The following EML4 variants were observed in gnomAD, a reference collection of about 807,000 sequenced individuals.
The protein encoded by EML4 is echinoderm microtubule-associated protein-like 4.
EML4 carries 72 observed loss-of-function variants against 129.0 expected under a neutral mutation model. The ratio of observed to expected loss-of-function variants is 0.56; its 90% CI spans 0.46 to 0.68. The LOEUF is 0.68. EML4 is among the 30% of genes least tolerant of loss of function. The pLI, the probability that EML4 is intolerant of heterozygous loss-of-function variation, is 0.00. For synonymous variants in EML4, 532 were observed against 405.0 expected, an observed-to-expected ratio of 1.31 and a Z score of -3.77; for missense variants, 1,363 against 1,190.6, an observed-to-expected ratio of 1.14 and a Z score of -2.13.
chr2:42,303,735 C>G (rs1184186071), intron 16 of EML4, among the ~76,000 whole-genome samples: 1 of 152,136 alleles, frequency 6.6e-6, no homozygotes, highest in Non-Finnish European at 1.5e-5. Context: ...ACCATCCTGG[C>G]TAACACGGTG....
chr2:42,227,807 C>G (rs1345897727), intron 1 of EML4, among the ~76,000 whole-genome samples: 1 of 152,144 alleles, frequency 6.6e-6, no homozygotes, highest in African/African-American at 2.4e-5. Flanking sequence ...TTTAACATAT[C>G]ACCTTATAAA....
chr2:42,276,738 A>G (rs1203013616), intron 6 of EML4, among the ~76,000 whole-genome samples: 2 of 152,248 alleles, frequency 1.3e-5, no homozygotes, highest in Non-Finnish European at 2.9e-5. Context: ...AAACGAAGCC[A>G]GTCTTGCAGT....
intron 21 of EML4, among the ~76,000 whole-genome samples, chr2:42,328,144 T>C (rs77333137): frequency 0.027 from 4,134 of 152,322 alleles, 70 homozygotes; most frequent in Non-Finnish European, 0.042. Context: ...AATTTTAAAG[T>C]ATTTTGACTT....
intron 8 of EML4, among the ~76,000 whole-genome samples, chr2:42,284,319 G>A (rs1402206428): frequency 3.3e-5 from 5 of 152,182 alleles, no homozygotes; most frequent in South Asian, 2.1e-4. Context: ...TAATAAAGTC[G>A]TGTGATTTGT....
intron 17 of EML4, among the ~76,000 whole-genome samples, chr2:42,311,540 C>CAAAAAAAAAAAAAAAAAAAAA (rs564350526): frequency 7.2e-6 from 1 of 138,024 alleles, no homozygotes; most frequent in Non-Finnish European, 1.6e-5. Flanking sequence ...GACCCTGTCT[C>CAAAAAAAAAAAAAAAAAAAAA]AAAAAAAAAA....
intron 1 of EML4, among the ~76,000 whole-genome samples, chr2:42,195,004 A>G (rs1671820611): frequency 6.6e-6 from 1 of 152,204 alleles, no homozygotes; most frequent in Non-Finnish European, 1.5e-5. Context: ...TTTCCAAATC[A>G]GGTAATCAGT....
At chr2:42,233,503 T>A (rs1168344879) in intron 1 of EML4, among the ~76,000 whole-genome samples, 1 of 151,698 alleles carries the variant, frequency 6.6e-6, no homozygotes, top group Non-Finnish European at 1.5e-5. Context: ...GAGACGGGGT[T>A]TCACCATGTT....
chr2:42,316,786 CAG>C (rs1480253664), intron 18 of EML4, among the ~76,000 whole-genome samples: 4 of 152,128 alleles, frequency 2.6e-5, no homozygotes, highest in African/African-American at 9.7e-5. Flanking sequence ...AAAGGAAGCA[CAG>C]AGAGTAGTAT....
intron 1 of EML4, among the ~76,000 whole-genome samples, chr2:42,234,592 G>A (rs1674542745): frequency 6.6e-6 from 1 of 152,124 alleles, no homozygotes; most frequent in South Asian, 2.1e-4. Flanking sequence ...GTAAATATAT[G>A]TGTCAGTAAT....
At chr2:42,178,510 T>A (rs1329108531) in intron 1 of EML4, among the ~76,000 whole-genome samples, 2 of 152,018 alleles carry the variant, frequency 1.3e-5, no homozygotes, top group Non-Finnish European at 2.9e-5. Flanking sequence ...GCCACTGCAC[T>A]CCAGCCTGGG....
intron 3 of EML4, among the ~76,000 whole-genome samples, chr2:42,259,754 G>A (rs1227189955): frequency 2.4e-5 from 3 of 126,796 alleles, no homozygotes; most frequent in Admixed American, 8.7e-5. Flanking sequence ...TTTTGAGACG[G>A]CGTCTCGCTC....
At chr2:42,303,906 C>T (rs868435098) in intron 16 of EML4, among the ~76,000 whole-genome samples, 5 of 152,200 alleles carry the variant, frequency 3.3e-5, no homozygotes, top group Non-Finnish European at 7.3e-5. Context: ...GCCTGGGCAA[C>T]AGAGCGAGAC....
At chr2:42,253,548 A>T (rs1675923743) in intron 2 of EML4, among the ~76,000 whole-genome samples, 1 of 152,228 alleles carries the variant, frequency 6.6e-6, no homozygotes, top group African/African-American at 2.4e-5. Context: ...AGTGTAGGGT[A>T]AAACTGCAAG....
intron 13 of EML4, among the ~76,000 whole-genome samples, chr2:42,296,812 C>T (rs966832431): frequency 1.4e-4 from 21 of 152,140 alleles, no homozygotes; most frequent in African/African-American, 4.6e-4. Flanking sequence ...CACAGAGTTT[C>T]ATACTGTATT....
intron 6 of EML4, 94 bp downstream of exon 6, chr2:42,264,825 A>G (rs1301209035): frequency 1.4e-6 from 2 of 1,389,830 alleles, no homozygotes; most frequent in African/African-American, 1.5e-5. Context: ...GCACTTTATC[A>G]GTTCATAGTA....
At chr2:42,187,795 C>G (rs1026886520) in intron 1 of EML4, among the ~76,000 whole-genome samples, 3 of 152,084 alleles carry the variant, frequency 2.0e-5, no homozygotes, top group African/African-American at 7.2e-5. Flanking sequence ...CTTTCATAAA[C>G]TAACAGTCTT....
Position 42,284,683 on chromosome 2 carries a change from G to T in EML4, c.991G>T (p.Gly331Cys). 1 of 1,612,472 alleles carries T rather than the reference G, an allele frequency of 6.2e-7. No homozygotes were observed. ...TAGGATTGCAACTGGACAGATAGCT[G>T]GCGTGGATAAAGATGGAAGGGTGAG... Reference protein sequence around the residue: ...KIRIATGQIAGVDKDGRPLQP... With the variant: ...KIRIATGQIACVDKDGRPLQP... Residue 331 changes from glycine to cysteine, a missense_variant, in exon 9 of 23, where the codon GGC becomes TGC. Gly to Cys is a radical substitution (Grantham distance 159). Coordinates refer to ENST00000318522, the MANE Select transcript of EML4 (RefSeq NM_019063.5).
intron 11 of EML4, among the ~76,000 whole-genome samples, chr2:42,291,986 A>T (rs552379182): frequency 2.0e-5 from 3 of 152,174 alleles, no homozygotes; most frequent in Non-Finnish European, 4.4e-5. Flanking sequence ...AGACAAAAAT[A>T]CTAAGGTTGC....
chr2:42,227,645 T>A (rs1674056513), intron 1 of EML4, among the ~76,000 whole-genome samples: 1 of 152,140 alleles, frequency 6.6e-6, no homozygotes, highest in Admixed American at 6.6e-5. Flanking sequence ...ATATAAGGAT[T>A]TTCTGCTGCC....
Sources: allele counts gnomAD v4.1 joint callset (sites outside exome capture counted in the v4.1 genomes callset), GRCh38; gene constraint gnomAD v4.1.1; transcripts MANE v1.5; gene names NCBI Gene and HGNC (gene_info 2026-07-23, HGNC 2026-07-21).